Variants in WDR27 observed in about 807,000 individuals in gnomAD.
The protein encoded by WDR27 is WD repeat domain 27, also known as WD repeat-containing protein 27.
Under a neutral mutation model 114.4 loss-of-function variants are expected in WDR27, and 100 were observed. The ratio of observed to expected loss-of-function variants is 0.87; its 90% CI spans 0.74 to 1.03. The LOEUF (loss-of-function observed/expected upper bound fraction) is 1.03, where lower values mean the gene tolerates loss of function less well. Ranked by LOEUF, WDR27 falls within the 50% of genes least tolerant of loss-of-function variation. WDR27 has a pLI of 0.00. For synonymous variants in WDR27, 449 were observed against 423.1 expected (o/e 1.06, Z -0.75); for missense variants, 1,129 against 1,092.9 (o/e 1.03, Z -0.47).
At chr6:169,511,168 C>G (rs191276326) in intron 25 of WDR27, among the ~76,000 whole-genome samples, 121 of 152,256 alleles carry the variant, frequency 7.9e-4, no homozygotes, top group African/African-American at 2.8e-3. Context: ...ATTTCAAAAT[C>G]CATTTAGCTG....
the WDR27 span, among the ~76,000 whole-genome samples, chr6:169,444,658 A>G: frequency 1.4e-5 from 2 of 147,496 alleles, no homozygotes; most frequent in Non-Finnish European, 1.5e-5. Flanking sequence ...GAGATGGTGG[A>G]CTGTTTTTTT....
At chr6:169,661,912 T>C (rs982022641) in intron 9 of WDR27, among the ~76,000 whole-genome samples, 2 of 152,244 alleles carry the variant, frequency 1.3e-5, no homozygotes, top group Non-Finnish European at 2.9e-5. Flanking sequence ...ATAATATTTC[T>C]ACTGAGCACA....
intron 25 of WDR27, among the ~76,000 whole-genome samples, chr6:169,517,469 G>A (rs1793822310): frequency 6.6e-6 from 1 of 152,104 alleles, no homozygotes; most frequent in Admixed American, 6.5e-5. Flanking sequence ...TATAACTATT[G>A]TTTATAGTTA....
chr6:169,428,381 G>A, the WDR27 span, among the ~76,000 whole-genome samples: 2 of 152,128 alleles, frequency 1.3e-5, no homozygotes, highest in South Asian at 4.1e-4. Flanking sequence ...AAAGTTTAGA[G>A]TGGTTTTAGT....
At chr6:169,682,955 A>G (rs1172800965) in intron 2 of WDR27, among the ~76,000 whole-genome samples, 2 of 152,186 alleles carry the variant, frequency 1.3e-5, no homozygotes, top group African/African-American at 4.8e-5. Context: ...CAACCACAGA[A>G]TTCAGCAAAC....
chr6:169,684,000 CA>C (rs1412513350), intron 2 of WDR27, among the ~76,000 whole-genome samples: 1 of 152,174 alleles, frequency 6.6e-6, no homozygotes, highest in Non-Finnish European at 1.5e-5. Context: ...CTCTGGGGGC[CA>C]GAAGTCACTG....
intron 25 of WDR27, among the ~76,000 whole-genome samples, chr6:169,502,835 T>C (rs879626805): frequency 6.6e-6 from 1 of 152,128 alleles, no homozygotes; most frequent in Non-Finnish European, 1.5e-5. Context: ...ACCACGGTTT[T>C]CCTCACCACA....
intron 25 of WDR27, among the ~76,000 whole-genome samples, chr6:169,496,709 A>C (rs1192925264): frequency 6.6e-6 from 1 of 152,134 alleles, no homozygotes; most frequent in Non-Finnish European, 1.5e-5. Flanking sequence ...AAAAAGAATA[A>C]AATACTTGGC....
At position 169,632,931 on chromosome 6, in the gene WDR27, C is replaced by A; in HGVS notation, c.2223+16G>T. 6.4e-7 allele frequency: 1 copy of A among 1,573,206 alleles called. No individual in the cohort carries two copies. The highest frequency in any genetic ancestry group is 8.7e-7 in the Non-Finnish European group (1 of 1,149,822). On this transcript the variant is annotated intron_variant, in intron 21 of 25. Transcript: ENST00000448612. ...TAGTTTTACAGATGATACATGTTAT[C>A]CAAAAACTTACTCACTTTATTTTGG... is the stretch of plus-strand genomic sequence containing the variant.
intron 6 of WDR27, 34 bp from the exon 7 acceptor site, chr6:169,665,590 T>TAA (rs750688008): frequency 6.2e-7 from 1 of 1,603,894 alleles, no homozygotes; most frequent in East Asian, 2.2e-5. Flanking sequence ...TTTAGCTTTG[T>TAA]AAGTGCCTGG....
chr6:169,427,345 G>C, the WDR27 span, among the ~76,000 whole-genome samples: 12,962 of 152,234 alleles, frequency 0.085, 590 homozygotes, highest in Middle Eastern at 0.12. Flanking sequence ...GAGAGACAGG[G>C]AGGACCCAGG....
chr6:169,540,477 TG>T (rs1796702591), intron 25 of WDR27, among the ~76,000 whole-genome samples: 2 of 151,792 alleles, frequency 1.3e-5, no homozygotes, highest in Admixed American at 1.3e-4. Context: ...TCACCCAGGC[TG>T]GAGTGCAGTG....
At chr6:169,446,476 T>C in the WDR27 span, among the ~76,000 whole-genome samples, 1 of 152,080 alleles carries the variant, frequency 6.6e-6, no homozygotes, top group African/African-American at 2.4e-5. Context: ...TAACATTTCC[T>C]TACCATGGCA....
chr6:169,545,864 T>C (rs935621480), intron 25 of WDR27, among the ~76,000 whole-genome samples: 1 of 152,012 alleles, frequency 6.6e-6, no homozygotes, highest in Non-Finnish European at 1.5e-5. Flanking sequence ...TAATTATATA[T>C]ACATACATAT....
chr6:169,500,788 G>A (rs1278152350), intron 25 of WDR27, among the ~76,000 whole-genome samples: 1 of 152,222 alleles, frequency 6.6e-6, no homozygotes, highest in East Asian at 1.9e-4. Flanking sequence ...TACTCACTGA[G>A]GGGCTCGGAA....
intron 8 of WDR27, among the ~76,000 whole-genome samples, chr6:169,662,664 G>A (rs1242908789): frequency 6.7e-5 from 10 of 148,390 alleles, no homozygotes; most frequent in African/African-American, 1.0e-4. Context: ...CATGCACCGC[G>A]GAGCATTCGG....
At chr6:169,613,261 A>G (rs1266384281) in intron 22 of WDR27, among the ~76,000 whole-genome samples, 2 of 152,082 alleles carry the variant, frequency 1.3e-5, no homozygotes, top group Admixed American at 1.3e-4. Flanking sequence ...TGGGAGAGAG[A>G]GCAGTAATCA....
At chr6:169,679,874 T>G (rs1781054528) in intron 2 of WDR27, among the ~76,000 whole-genome samples, 3 of 152,188 alleles carry the variant, frequency 2.0e-5, no homozygotes, top group Non-Finnish European at 2.9e-5. Context: ...AAACATAGCA[T>G]GATCAAATTG....
At chr6:169,691,906 G>A (rs779331186) in intron 1 of WDR27, among the ~76,000 whole-genome samples, 1 of 152,140 alleles carries the variant, frequency 6.6e-6, no homozygotes, top group Non-Finnish European at 1.5e-5. Context: ...AAAGGCATGT[G>A]GATACTCATA....
Sources: allele counts gnomAD v4.1 joint callset (sites outside exome capture counted in the v4.1 genomes callset), GRCh38; gene constraint gnomAD v4.1.1; transcripts MANE v1.5; gene names NCBI Gene and HGNC (gene_info 2026-07-23, HGNC 2026-07-21).